RCAN2: variants seen among roughly 807,000 people sequenced by gnomAD.
The protein encoded by RCAN2 is regulator of calcineurin 2, also known as calcipressin-2.
A neutral mutation model predicts 23.6 loss-of-function variants in RCAN2; 9 were observed. The ratio of observed to expected loss-of-function variants is 0.38; its 90% confidence interval spans 0.23 to 0.67. The LOEUF (loss-of-function observed/expected upper bound fraction) is 0.67, where lower values mean the gene tolerates loss of function less well. Among genes scored for constraint, RCAN2 ranks in the 30% least tolerant of loss-of-function variants. RCAN2 has a pLI of 0.51. For missense variants in RCAN2, 273 were observed against 302.3 expected, an observed-to-expected ratio of 0.90 and a Z score of 0.72; for synonymous variants, 109 against 115.7, an observed-to-expected ratio of 0.94 and a Z score of 0.37.
intron 2 of RCAN2, among the ~76,000 whole-genome samples, chr6:46,376,192 T>C (rs1457738159): frequency 1.3e-5 from 2 of 152,220 alleles, no homozygotes; most frequent in African/African-American, 4.8e-5. Context: ...ATCCTGTGTC[T>C]AACTCAGCTC....
At chr6:46,419,423 T>C (rs1360896709) in intron 2 of RCAN2, among the ~76,000 whole-genome samples, 1 of 152,110 alleles carries the variant, frequency 6.6e-6, no homozygotes, top group Non-Finnish European at 1.5e-5. Context: ...ACACACAGAG[T>C]ACCGGAGTTT....
chr6:46,482,818 C>G (rs1032219301), intron 1 of RCAN2, among the ~76,000 whole-genome samples: 3 of 152,162 alleles, frequency 2.0e-5, no homozygotes, highest in Non-Finnish European at 4.4e-5. Context: ...AAAAGCATGG[C>G]ATATGTTTAA....
chr6:46,340,027 C>T (rs1279208317), intron 2 of RCAN2, among the ~76,000 whole-genome samples: 2 of 152,104 alleles, frequency 1.3e-5, no homozygotes, highest in Non-Finnish European at 2.9e-5. Context: ...GCCCTTAGCA[C>T]ATTGCCTGCC....
intron 2 of RCAN2, among the ~76,000 whole-genome samples, chr6:46,323,255 T>C (rs149554096): frequency 3.9e-5 from 6 of 152,266 alleles, no homozygotes; most frequent in African/African-American, 1.4e-4. Context: ...GAGCATTAAA[T>C]AGGAGTCAGG....
intron 2 of RCAN2, among the ~76,000 whole-genome samples, chr6:46,377,809 G>C (rs1765518332): frequency 6.6e-6 from 1 of 152,138 alleles, no homozygotes; most frequent in South Asian, 2.1e-4. Flanking sequence ...CATGAAATTT[G>C]GAGTCAGAAA....
At chr6:46,251,529 T>C (rs912805172) in intron 2 of RCAN2, among the ~76,000 whole-genome samples, 7 of 152,168 alleles carry the variant, frequency 4.6e-5, no homozygotes, top group African/African-American at 1.7e-4. Context: ...CACCTTCTCA[T>C]CACCTCTCCA....
At chr6:46,276,824 C>T (rs961828065) in intron 2 of RCAN2, among the ~76,000 whole-genome samples, 2 of 152,188 alleles carry the variant, frequency 1.3e-5, no homozygotes, top group South Asian at 2.1e-4. Context: ...CTTGATGGAG[C>T]CTTTGCTTCC....
rs767529651 is a variant in RCAN2 at position 46,371,575 on chromosome 6, G to C, written c.225+85177C>G. Among the ~76,000 whole-genome samples, 101 of 152,182 alleles carry C rather than the reference G, an allele frequency of 6.6e-4. 1 individual carries two copies. The highest frequency in any genetic ancestry group is 2.3e-3 in the South Asian group (11 of 4,826). On this transcript the variant is annotated intron_variant, in intron 2 of 4. Transcript: ENST00000371374. Reference sequence around the variant, plus strand: ...TAAGTGAGGGTGTCAGGATAGTCTTGGCTTCAAATAACAGAATACTCTACT... The same window carrying C: ...TAAGTGAGGGTGTCAGGATAGTCTTCGCTTCAAATAACAGAATACTCTACT...
chr6:46,292,628 C>T (rs537825025), intron 2 of RCAN2, among the ~76,000 whole-genome samples: 12 of 151,952 alleles, frequency 7.9e-5, no homozygotes, highest in Admixed American at 2.6e-4. Context: ...TTTATTTTTC[C>T]AAATTAACAT....
chr6:46,388,256 T>C (rs1421316005), intron 2 of RCAN2, among the ~76,000 whole-genome samples: 2 of 150,608 alleles, frequency 1.3e-5, no homozygotes, highest in Non-Finnish European at 3.0e-5. Context: ...GTATAATAAA[T>C]AATAATAATA....
Position 46,288,001 on chromosome 6 carries a change from ACT to A in RCAN2, c.226-39107_226-39106del, listed in dbSNP as rs571954011. Among the ~76,000 whole-genome samples the A allele has an allele frequency of 9.6e-4, 145 of 151,798 alleles. 1 individual carries two copies. The highest frequency in any genetic ancestry group is 3.3e-3 in the African/African-American group (135 of 41,384). On this transcript the variant is annotated intron_variant, in intron 2 of 4. Coordinates refer to ENST00000371374, the MANE Select transcript of RCAN2 (RefSeq NM_001251974.2). ...TATCCTTCCCTGCACCCAAACCCCC[ACT>A]CTCTTTTCTTCTTGCAGGGAGGGGA...
chr6:46,335,558 G>A (rs1041579664), intron 2 of RCAN2, among the ~76,000 whole-genome samples: 4 of 152,266 alleles, frequency 2.6e-5, no homozygotes, highest in South Asian at 4.1e-4. Context: ...TGGAAAGGAC[G>A]CTCCTCCTTC....
chr6:46,257,624 G>A (rs1412851917), intron 2 of RCAN2, among the ~76,000 whole-genome samples: 2 of 152,116 alleles, frequency 1.3e-5, no homozygotes, highest in Non-Finnish European at 2.9e-5. Context: ...AGAACAGCAT[G>A]GGGAAAACTG....
chr6:46,297,322 G>A (rs989443664), intron 2 of RCAN2, among the ~76,000 whole-genome samples: 3 of 152,176 alleles, frequency 2.0e-5, no homozygotes, highest in Non-Finnish European at 4.4e-5. Context: ...AGGGAATGAA[G>A]AAGTGAGGAT....
At chr6:46,335,838 T>C (rs1382273054) in intron 2 of RCAN2, among the ~76,000 whole-genome samples, 1 of 152,204 alleles carries the variant, frequency 6.6e-6, no homozygotes, top group Non-Finnish European at 1.5e-5. Flanking sequence ...CAGTTGAAAT[T>C]TGGAATTTAT....
At chr6:46,396,773 A>G (rs1376076598) in intron 2 of RCAN2, among the ~76,000 whole-genome samples, 1 of 152,212 alleles carries the variant, frequency 6.6e-6, no homozygotes, top group Non-Finnish European at 1.5e-5. Flanking sequence ...AGAGGCATCT[A>G]TCCCTTCTTA....
In RCAN2 at chr6:46,282,464, A is replaced by G. The variant is rs553201798; in HGVS notation, c.226-33568T>C. ...TGCACTCCAGCCTGGGTGACAGAGC[A>G]AGACTCTGTCTCAAAACAAACAAAC... On this transcript the variant is annotated intron_variant, in intron 2 of 4. Transcript: ENST00000371374. Among the ~76,000 whole-genome samples the G allele has an allele frequency of 1.2e-4, 15 of 127,010 alleles. No homozygotes were observed. The East Asian group carries it at 3.2e-3, about 27-fold the overall frequency. The allele number at this position is 127,010 out of a possible 152,430, so 83.3% of individuals were successfully genotyped here. A position where few individuals can be genotyped will look rare whatever the true frequency, so the allele number is the denominator to read the frequency against.
chr6:46,490,472 G>T (rs1351520280), intron 1 of RCAN2, among the ~76,000 whole-genome samples: 2 of 152,180 alleles, frequency 1.3e-5, no homozygotes, highest in Non-Finnish European at 2.9e-5. Context: ...GCAAACCGAG[G>T]CACCCTGGAA....
At chr6:46,346,215 T>C (rs184547440) in intron 2 of RCAN2, among the ~76,000 whole-genome samples, 2 of 152,274 alleles carry the variant, frequency 1.3e-5, no homozygotes, top group East Asian at 1.9e-4. Context: ...TCAAAATCTA[T>C]GGCATACAGG....
Sources: gnomAD v4.1 joint callset for allele counts (sites outside exome capture counted in the v4.1 genomes callset) on GRCh38, gnomAD v4.1.1 for gene constraint, MANE v1.5 for transcripts, NCBI Gene and HGNC (gene_info 2026-07-23, HGNC 2026-07-21) for gene names.